Variants in HSPB8 observed in about 807,000 individuals in gnomAD.
HSPB8 encodes the protein heat shock protein family B (small) member 8, also known as heat shock protein beta-8.
HSPB8 carries 9 observed loss-of-function variants against 16.5 expected under a neutral mutation model. The observed-to-expected ratio is 0.55, with a 90% CI of 0.33 to 0.95. The LOEUF is 0.95. HSPB8 is among the 40% of genes least tolerant of loss of function. The pLI is 0.03. For synonymous variants in HSPB8, 99 were observed against 94.8 expected (o/e 1.04, Z -0.26); for missense variants, 238 against 251.2 (o/e 0.95, Z 0.35).
chr12:119,194,073 A>G lies in HSPB8; in HGVS notation c.*215A>G. Reference sequence around the variant, plus strand: ...TCATGCTTGGTTGTGTTAGGCCAAAATACTAGTTTTGCTTTCTTTACCTTT... The same window carrying G: ...TCATGCTTGGTTGTGTTAGGCCAAAGTACTAGTTTTGCTTTCTTTACCTTT... On this transcript the variant is annotated 3_prime_UTR_variant, in exon 3 of 3. Transcript: ENST00000281938. 1.6e-6 allele frequency: 1 copy of G among 606,908 alleles called. No homozygotes were observed. The highest frequency in any genetic ancestry group is 1.9e-5 in the South Asian group (1 of 51,848). The allele number at this position is 606,908 out of a possible 1,614,324, so 37.6% of individuals were successfully genotyped here. A position where few individuals can be genotyped will look rare whatever the true frequency, so the allele number is the denominator to read the frequency against.
intron 1 of HSPB8, among the ~76,000 whole-genome samples, chr12:119,180,411 C>T (rs1954629164): frequency 6.6e-6 from 1 of 152,192 alleles, no homozygotes; most frequent in African/African-American, 2.4e-5. Context: ...ATTTACTGAG[C>T]ACCTACTAGG....
chr12:119,190,767 A>G (rs777169453), intron 2 of HSPB8, among the ~76,000 whole-genome samples: 2 of 152,236 alleles, frequency 1.3e-5, no homozygotes, highest in Non-Finnish European at 2.9e-5. Context: ...TTAAATTCTA[A>G]CTAGATAATA....
chr12:119,181,334 G>A (rs948394115), intron 1 of HSPB8, among the ~76,000 whole-genome samples: 5 of 152,306 alleles, frequency 3.3e-5, no homozygotes, highest in Middle Eastern at 6.8e-3. Context: ...ACATTGGTTC[G>A]ATCTAGAAAT....
intron 2 of HSPB8, among the ~76,000 whole-genome samples, chr12:119,192,289 G>A (rs915986216): frequency 6.6e-6 from 1 of 152,088 alleles, no homozygotes; most frequent in African/African-American, 2.4e-5. Flanking sequence ...TGTAGAATGG[G>A]CATATTAATT....
rs745780308 is a variant in HSPB8 at position 119,179,571 on chromosome 12, A to T, written c.259A>T (p.Thr87Ser). ...GTTTGGGGTGCCTGCCGAGGGCAGG[A>T]CCCCCCCACCCTTCCCTGGGGAGCC... The part of the protein sequence containing the change: ...ARFGVPAEGR[T>S]PPPFPGEPWK... The change falls in exon 1 of 3, where the codon ACC becomes TCC. Residue 87 changes from threonine to serine, a missense_variant. Transcript: ENST00000281938. 26 of 1,611,024 alleles carry T rather than the reference A, an allele frequency of 1.6e-5. No individual in the cohort carries two copies. The South Asian group carries it at 2.8e-4, about 17-fold the overall frequency.
At chr12:119,181,499 G>T (rs193283933) in intron 1 of HSPB8, among the ~76,000 whole-genome samples, 3 of 152,294 alleles carry the variant, frequency 2.0e-5, no homozygotes, top group South Asian at 2.1e-4. Flanking sequence ...TGAATAGAAT[G>T]GGGGGTAGGT....
rs529539579 is a variant in HSPB8 at position 119,186,232 on chromosome 12, G to A, written c.368-793G>A. On this transcript the variant is annotated intron_variant, in intron 1 of 2. Coordinates refer to ENST00000281938, the MANE Select transcript of HSPB8 (RefSeq NM_014365.3). ...CCTCTCTTACCACAGGTTAAGAGGC[G>A]AGAGGTCTGGTGGAATTTCACATCC... 3.9e-5 allele frequency among the ~76,000 whole-genome samples: 6 copies of A among 152,334 alleles called. No homozygotes were observed. The South Asian group carries it at 8.3e-4, about 21-fold the overall frequency.
intron 2 of HSPB8, 46 bp from the exon 3 acceptor site, chr12:119,193,653 G>C: frequency 6.3e-7 from 1 of 1,589,858 alleles, no homozygotes; most frequent in Non-Finnish European, 8.6e-7. Flanking sequence ...GAATGTTTAA[G>C]CAATATTAAC....
At chr12:119,183,948 C>G (rs1174943676) in intron 1 of HSPB8, among the ~76,000 whole-genome samples, 2 of 152,230 alleles carry the variant, frequency 1.3e-5, no homozygotes, top group East Asian at 3.8e-4. Context: ...ACTTTTACAA[C>G]TTCCAAAGCC....
At chr12:119,190,039 G>A (rs1954702979) in intron 2 of HSPB8, among the ~76,000 whole-genome samples, 1 of 152,216 alleles carries the variant, frequency 6.6e-6, no homozygotes, top group African/African-American at 2.4e-5. Flanking sequence ...GGGGCAACTT[G>A]CTTAACTGCT....
chr12:119,180,206 G>A (rs183308894), intron 1 of HSPB8, among the ~76,000 whole-genome samples: 4 of 152,262 alleles, frequency 2.6e-5, no homozygotes, highest in African/African-American at 4.8e-5. Context: ...CTAACTATTC[G>A]CTCAGCACTT....
At chr12:119,189,705 A>C (rs975056763) in intron 2 of HSPB8, among the ~76,000 whole-genome samples, 3 of 152,068 alleles carry the variant, frequency 2.0e-5, no homozygotes, top group African/African-American at 7.2e-5. Flanking sequence ...ACTGCTGCTC[A>C]CCTCCTGATG....
At chr12:119,191,552 T>C (rs1164183830) in intron 2 of HSPB8, among the ~76,000 whole-genome samples, 1 of 150,684 alleles carries the variant, frequency 6.6e-6, no homozygotes, top group African/African-American at 2.4e-5. Flanking sequence ...TAGATACGGC[T>C]CATGTGGCTA....
intron 2 of HSPB8, among the ~76,000 whole-genome samples, chr12:119,190,652 T>C (rs192892813): frequency 9.6e-4 from 146 of 152,376 alleles, no homozygotes; most frequent in African/African-American, 3.3e-3. Context: ...TAAAGGTTTT[T>C]TTTTCTTTTA....
In HSPB8 at chr12:119,179,538, A is replaced by G; in HGVS notation, c.226A>G (p.Thr76Ala). ...SGMVPRGPTA[T>A]ARFGVPAEGR... ...CATGGTGCCCCGGGGCCCCACTGCC[A>G]CCGCCAGGTTTGGGGTGCCTGCCGA... Residue 76 changes from threonine to alanine, a missense_variant, in exon 1 of 3, where the codon ACC becomes GCC. By Grantham distance (58) the Thr-to-Ala change is moderately conservative. Coordinates refer to ENST00000281938, the MANE Select transcript of HSPB8 (RefSeq NM_014365.3). 6.2e-7 allele frequency: 1 copy of G among 1,613,574 alleles called. No individual in the cohort carries two copies. The highest frequency in any genetic ancestry group is 8.5e-7 in the Non-Finnish European group (1 of 1,179,798).
In HSPB8 at chr12:119,179,171, G is replaced by T; in HGVS notation, c.-142G>T. Reference sequence around the variant, plus strand: ...GACACAACCGTCCCTGGCAGTGGTTGGTTCTGCTTCTCCCTGCAGAAAAGC... The same window carrying T: ...GACACAACCGTCCCTGGCAGTGGTTTGTTCTGCTTCTCCCTGCAGAAAAGC... On this transcript the variant is annotated 5_prime_UTR_variant, in exon 1 of 3. Transcript: ENST00000281938. 1.2e-6 allele frequency: 1 copy of T among 838,792 alleles called. No homozygotes were observed. Among genetic ancestry groups the T allele is most frequent in the Non-Finnish European group, 2.0e-6 (1 of 510,070 alleles). 52.0% of individuals were successfully genotyped at this position (838,792 alleles called of 1,614,324 possible). A position where few individuals can be genotyped will look rare whatever the true frequency, so the allele number is the denominator to read the frequency against.
At chr12:119,186,355 G>C (rs1954675656) in intron 1 of HSPB8, among the ~76,000 whole-genome samples, 1 of 152,178 alleles carries the variant, frequency 6.6e-6, no homozygotes, top group African/African-American at 2.4e-5. Flanking sequence ...GTGGCTTAAA[G>C]AGCTAATCGG....
intron 2 of HSPB8, among the ~76,000 whole-genome samples, chr12:119,189,817 C>A (rs1020968533): frequency 1.3e-5 from 2 of 152,182 alleles, no homozygotes; most frequent in African/African-American, 4.8e-5. Flanking sequence ...CCCTCCCTAG[C>A]CAACCCCAGT....
At chr12:119,185,970 C>A (rs149502398) in intron 1 of HSPB8, among the ~76,000 whole-genome samples, 48 of 152,260 alleles carry the variant, frequency 3.2e-4, no homozygotes, top group African/African-American at 1.2e-3. Context: ...AGGGTTCTTG[C>A]CTCCAGAAGG....
Sources: gnomAD v4.1 joint callset for allele counts (sites outside exome capture counted in the v4.1 genomes callset) on GRCh38, gnomAD v4.1.1 for gene constraint, MANE v1.5 for transcripts, NCBI Gene and HGNC (gene_info 2026-07-23, HGNC 2026-07-21) for gene names.